LRP6: variants seen among roughly 807,000 people sequenced by gnomAD.
LRP6 encodes LDL receptor related protein 6, also known as low-density lipoprotein receptor-related protein 6.
LRP6 carries 43 observed loss-of-function variants against 184.1 expected under a neutral mutation model. That is an observed-to-expected ratio of 0.23 (90% CI 0.18 to 0.30). The LOEUF is 0.30. Among genes scored for constraint, LRP6 ranks in the 10% least tolerant of loss-of-function variants. The pLI is 1.00. For missense variants in LRP6, 1,571 were observed against 2,005.3 expected (o/e 0.78, Z 4.14); for synonymous variants, 719 against 684.9 (o/e 1.05, Z -0.78).
chr12:12,253,774 T>TA (rs1222557570), intron 1 of LRP6, among the ~76,000 whole-genome samples: 5 of 152,162 alleles, frequency 3.3e-5, no homozygotes, highest in African/African-American at 1.2e-4. Flanking sequence ...TACAGATAGT[T>TA]TTCTGTTTTA....
intron 9 of LRP6, among the ~76,000 whole-genome samples, chr12:12,163,266 C>T (rs916343261): frequency 6.6e-6 from 1 of 151,998 alleles, no homozygotes; most frequent in Non-Finnish European, 1.5e-5. Flanking sequence ...CCTGAGTCAC[C>T]GCACCCAGCC....
intron 2 of LRP6, among the ~76,000 whole-genome samples, chr12:12,208,181 T>C (rs539616019): frequency 6.6e-6 from 1 of 152,332 alleles, no homozygotes; most frequent in South Asian, 2.1e-4. Flanking sequence ...GAGTACCTAC[T>C]ACGTGATCCC....
intron 10 of LRP6, among the ~76,000 whole-genome samples, chr12:12,161,522 G>A (rs1257233798): frequency 1.3e-5 from 2 of 152,058 alleles, no homozygotes; most frequent in East Asian, 1.9e-4. Flanking sequence ...CCCACGCCTC[G>A]GCCTCCCAAA....
chr12:12,151,749 C>T (rs1950084487), intron 12 of LRP6, among the ~76,000 whole-genome samples: 1 of 151,960 alleles, frequency 6.6e-6, no homozygotes, highest in South Asian at 2.1e-4. Context: ...CGCCATGTTG[C>T]CCAAGCTGGT....
chr12:12,214,739 G>T (rs556134569), intron 2 of LRP6, among the ~76,000 whole-genome samples: 2 of 152,292 alleles, frequency 1.3e-5, no homozygotes, highest in South Asian at 4.1e-4. Flanking sequence ...TTCTCCATTT[G>T]AAACCAACCC....
intron 3 of LRP6, among the ~76,000 whole-genome samples, chr12:12,194,651 T>C (rs555223006): frequency 2.6e-5 from 4 of 152,108 alleles, no homozygotes; most frequent in African/African-American, 9.7e-5. Flanking sequence ...CACAGCAATG[T>C]TGCAATATAT....
intron 3 of LRP6, among the ~76,000 whole-genome samples, chr12:12,193,500 C>CA (rs61513905): frequency 0.2 from 29,161 of 148,836 alleles, 2,924 homozygotes; most frequent in African/African-American, 0.24. Flanking sequence ...TAGACTGACC[C>CA]AAAAAAAAAG....
At chr12:12,180,240 CTTTT>C (rs35341305) in intron 6 of LRP6, among the ~76,000 whole-genome samples, 1 of 126,132 alleles carries the variant, frequency 7.9e-6, no homozygotes, top group Non-Finnish European at 1.6e-5. Context: ...AGTTTTACTT[CTTTT>C]TTTTTTTTTT....
chr12:12,161,884 A>G (rs1862750027), intron 10 of LRP6, among the ~76,000 whole-genome samples: 1 of 152,160 alleles, frequency 6.6e-6, no homozygotes, highest in Non-Finnish European at 1.5e-5. Flanking sequence ...GAAGGAGTGC[A>G]AGCAACTACA....
At chr12:12,263,156 T>TC (rs1865663437) in intron 1 of LRP6, among the ~76,000 whole-genome samples, 2 of 150,456 alleles carry the variant, frequency 1.3e-5, no homozygotes, top group South Asian at 4.2e-4. Flanking sequence ...TTCCAGCTAC[T>TC]CAGGAGGTTG....
intron 3 of LRP6, among the ~76,000 whole-genome samples, chr12:12,191,827 A>T (rs1863624868): frequency 6.6e-6 from 1 of 151,944 alleles, no homozygotes; most frequent in African/African-American, 2.4e-5. Flanking sequence ...ATAATACATA[A>T]AGAAAAAAAT....
chr12:12,250,892 G>C (rs1865308774), intron 1 of LRP6, among the ~76,000 whole-genome samples: 1 of 150,834 alleles, frequency 6.6e-6, no homozygotes, highest in South Asian at 2.1e-4. Flanking sequence ...AATGTGCTGG[G>C]GTAACAGACG....
At chr12:12,253,062 G>A (rs774174601) in intron 1 of LRP6, among the ~76,000 whole-genome samples, 2 of 152,180 alleles carry the variant, frequency 1.3e-5, no homozygotes, top group Non-Finnish European at 2.9e-5. Flanking sequence ...TGAGGAGTTT[G>A]AGACCAGCCT....
At position 12,138,848 on chromosome 12, in the gene LRP6, C is replaced by T. The variant is rs1225024643; in HGVS notation, c.3398-314G>A. 1.6e-5 allele frequency: 22 copies of T among 1,384,364 alleles called. No individual in the cohort carries two copies. In the Admixed American group the frequency reaches 3.4e-4, roughly 21 times the overall value. 85.8% of individuals were successfully genotyped at this position (1,384,364 alleles called of 1,614,324 possible). ...ATATATACAACAGATAAAAATGGCA[C>T]TTCTCTGGAGGAGCAGTGGTGGTGG... is the stretch of plus-strand genomic sequence containing the variant. On this transcript the variant is annotated intron_variant, in intron 15 of 22. Coordinates refer to ENST00000261349, the MANE Select transcript of LRP6 (RefSeq NM_002336.3).
At chr12:12,215,826 A>G (rs1273417589) in intron 2 of LRP6, among the ~76,000 whole-genome samples, 1 of 151,634 alleles carries the variant, frequency 6.6e-6, no homozygotes, top group East Asian at 2.0e-4. Flanking sequence ...AGCCTGGCTA[A>G]CATGGTGAAA....
intron 2 of LRP6, among the ~76,000 whole-genome samples, chr12:12,220,889 C>G (rs1338969609): frequency 6.6e-6 from 1 of 152,166 alleles, no homozygotes; most frequent in Admixed American, 6.5e-5. Flanking sequence ...CATGAGCCAC[C>G]ACGCCCAGCC....
intron 7 of LRP6, among the ~76,000 whole-genome samples, chr12:12,178,776 G>A (rs1863258392): frequency 6.6e-6 from 1 of 152,128 alleles, no homozygotes; most frequent in African/African-American, 2.4e-5. Context: ...AAAACCAGCT[G>A]CAAGAACAAC....
intron 5 of LRP6, among the ~76,000 whole-genome samples, chr12:12,181,963 A>C (rs1863355774): frequency 6.6e-6 from 1 of 152,234 alleles, no homozygotes; most frequent in South Asian, 2.1e-4. Flanking sequence ...TATGCTATGT[A>C]AGTTACATCT....
At position 12,125,034 on chromosome 12, in the gene LRP6, T is replaced by C. The variant is rs561933507; in HGVS notation, c.4449+262A>G. Among the ~76,000 whole-genome samples the C allele has an allele frequency of 1.2e-4, 19 of 152,312 alleles. No homozygotes were observed. The South Asian group carries it at 3.7e-3, about 30-fold the overall frequency. On this transcript the variant is annotated intron_variant, in intron 21 of 22. Coordinates refer to ENST00000261349, the MANE Select transcript of LRP6 (RefSeq NM_002336.3). Reference sequence around the variant, plus strand: ...TAAAATGAAGGCCCTAATCCCTCAATAGGTACCATTCAGTAGTTCTACTTT... The same window carrying C: ...TAAAATGAAGGCCCTAATCCCTCAACAGGTACCATTCAGTAGTTCTACTTT...
Sources: allele counts gnomAD v4.1 joint callset (sites outside exome capture counted in the v4.1 genomes callset), GRCh38; gene constraint gnomAD v4.1.1; transcripts MANE v1.5; gene names NCBI Gene and HGNC (gene_info 2026-07-23, HGNC 2026-07-21).